Variants in AUTS2 observed in about 807,000 individuals in gnomAD.
The protein encoded by AUTS2 is activator of transcription and developmental regulator AUTS2.
In AUTS2, 17 loss-of-function variants were observed where a neutral mutation model predicts 112.4. The observed-to-expected ratio is 0.15, with a 90% CI of 0.10 to 0.23. The LOEUF is 0.23. Ranked by LOEUF, AUTS2 falls within the 10% of genes least tolerant of loss-of-function variation. AUTS2 has a pLI of 1.00. For missense variants in AUTS2, 1,510 were observed against 1,701.6 expected, an observed-to-expected ratio of 0.89 and a Z score of 1.98; for synonymous variants, 751 against 702.7, an observed-to-expected ratio of 1.07 and a Z score of -1.09.
chr7:70,297,097 A>G (rs925631609), intron 4 of AUTS2, among the ~76,000 whole-genome samples: 1 of 144,210 alleles, frequency 6.9e-6, no homozygotes, highest in Non-Finnish European at 1.5e-5. Flanking sequence ...CCATCCTCCC[A>G]CCTTGACCTC....
At chr7:70,494,939 G>T (rs560441100) in intron 5 of AUTS2, among the ~76,000 whole-genome samples, 2 of 152,142 alleles carry the variant, frequency 1.3e-5, no homozygotes, top group Non-Finnish European at 2.9e-5. Context: ...GATTATGTTG[G>T]CCTGTTTCCA....
intron 2 of AUTS2, among the ~76,000 whole-genome samples, chr7:70,038,581 A>G (rs913530900): frequency 2.0e-5 from 3 of 152,136 alleles, no homozygotes; most frequent in African/African-American, 4.8e-5. Context: ...GGAAATTTGC[A>G]TGGGTACATG....
At chr7:70,702,555 G>A (rs531449658) in intron 6 of AUTS2, among the ~76,000 whole-genome samples, 18 of 152,286 alleles carry the variant, frequency 1.2e-4, no homozygotes, top group Admixed American at 3.9e-4. Flanking sequence ...GTGAGCCATC[G>A]GGGAGCTGTG....
At chr7:70,397,449 A>G (rs1407956739) in intron 4 of AUTS2, among the ~76,000 whole-genome samples, 2 of 152,008 alleles carry the variant, frequency 1.3e-5, no homozygotes, top group Non-Finnish European at 2.9e-5. Context: ...GATATTGAGC[A>G]TATTTTCATG....
At chr7:69,637,386 A>G (rs1794597665) in intron 1 of AUTS2, among the ~76,000 whole-genome samples, 1 of 152,186 alleles carries the variant, frequency 6.6e-6, no homozygotes. Flanking sequence ...TACAGTATAG[A>G]GAGTATTGAC....
chr7:70,203,576 G>A (rs1584870915), intron 4 of AUTS2, among the ~76,000 whole-genome samples: 1 of 147,162 alleles, frequency 6.8e-6, no homozygotes, highest in Admixed American at 6.9e-5. Flanking sequence ...ACTTTAAGAA[G>A]CAAAAGACAT....
chr7:70,663,603 C>T (rs1461782806), intron 5 of AUTS2, among the ~76,000 whole-genome samples: 1 of 151,546 alleles, frequency 6.6e-6, no homozygotes, highest in Non-Finnish European at 1.5e-5. Flanking sequence ...CTCTTACTTT[C>T]TATATCCACC....
intron 1 of AUTS2, among the ~76,000 whole-genome samples, chr7:69,831,465 T>G (rs981576542): frequency 6.6e-6 from 1 of 152,022 alleles, no homozygotes; most frequent in Non-Finnish European, 1.5e-5. Context: ...CTGCCAGTCT[T>G]GGTGGGGAAG....
chr7:70,479,860 A>G (rs1453371454), intron 5 of AUTS2, among the ~76,000 whole-genome samples: 3 of 152,194 alleles, frequency 2.0e-5, no homozygotes, highest in Admixed American at 2.0e-4. Context: ...GCCCAGAGAA[A>G]CCAAGGTGTG....
At chr7:70,233,389 C>T (rs1412552903) in intron 4 of AUTS2, among the ~76,000 whole-genome samples, 4 of 152,102 alleles carry the variant, frequency 2.6e-5, no homozygotes, top group South Asian at 4.2e-4. Flanking sequence ...GAACTGTATA[C>T]GTTTTTCCTA....
chr7:70,024,997 A>C (rs1474943078), intron 2 of AUTS2, among the ~76,000 whole-genome samples: 1 of 152,238 alleles, frequency 6.6e-6, no homozygotes, highest in African/African-American at 2.4e-5. Flanking sequence ...AAAATTAATC[A>C]TAACATTGTC....
chr7:70,677,164 A>T (rs1045198897), intron 5 of AUTS2, among the ~76,000 whole-genome samples: 15 of 151,742 alleles, frequency 9.9e-5, no homozygotes, highest in African/African-American at 3.6e-4. Context: ...TTGTCATTCA[A>T]CTCTGTCTGT....
At chr7:70,373,157 G>C (rs894234590) in intron 4 of AUTS2, among the ~76,000 whole-genome samples, 4 of 151,792 alleles carry the variant, frequency 2.6e-5, no homozygotes, top group African/African-American at 7.3e-5. Flanking sequence ...AACCAGGGGG[G>C]AGTGGGGGAA....
At chr7:70,526,676 A>G (rs1799852385) in intron 5 of AUTS2, among the ~76,000 whole-genome samples, 1 of 152,176 alleles carries the variant, frequency 6.6e-6, no homozygotes, top group Admixed American at 6.5e-5. Context: ...TCAAAAAAAT[A>G]AAAAATCCTG....
intron 2 of AUTS2, among the ~76,000 whole-genome samples, chr7:69,912,336 G>A (rs923861184): frequency 1.6e-5 from 2 of 128,440 alleles, no homozygotes; most frequent in African/African-American, 6.5e-5. Flanking sequence ...CCACAGCTGG[G>A]CAGCTGCATG....
At chr7:70,552,368 C>T (rs554036094) in intron 5 of AUTS2, among the ~76,000 whole-genome samples, 20 of 152,128 alleles carry the variant, frequency 1.3e-4, no homozygotes, top group Non-Finnish European at 2.4e-4. Context: ...TTCCTGTTAG[C>T]GGATTATACC....
intron 1 of AUTS2, among the ~76,000 whole-genome samples, chr7:69,735,275 ACTGGGGTATCAGAC>A (rs1786979026): frequency 6.6e-6 from 1 of 152,216 alleles, no homozygotes; most frequent in African/African-American, 2.4e-5. Flanking sequence ...GAGTGATGAA[ACTGGGGTATCAGAC>A]CTGGTTATGA....
intron 1 of AUTS2, among the ~76,000 whole-genome samples, chr7:69,737,882 A>G (rs997995575): frequency 1.8e-4 from 27 of 152,248 alleles, no homozygotes; most frequent in African/African-American, 6.5e-4. Context: ...TTGAGAGAAC[A>G]TCCTAACTGG....
chr7:70,678,038 T>C (rs1261269104), intron 5 of AUTS2, among the ~76,000 whole-genome samples: 1 of 151,958 alleles, frequency 6.6e-6, no homozygotes, highest in Non-Finnish European at 1.5e-5. Context: ...GCCGAGATGG[T>C]GCCACTGCAC....
Sources: gnomAD v4.1 joint callset for allele counts (sites outside exome capture counted in the v4.1 genomes callset) on GRCh38, gnomAD v4.1.1 for gene constraint, MANE v1.5 for transcripts, NCBI Gene and HGNC (gene_info 2026-07-23, HGNC 2026-07-21) for gene names.